GDPD1: variants seen among roughly 807,000 people sequenced by gnomAD.
The protein encoded by GDPD1 is glycerophosphodiester phosphodiesterase domain containing 1, also known as lysophospholipase D GDPD1.
GDPD1 carries 28 observed loss-of-function variants against 45.1 expected under a neutral mutation model. That is an observed-to-expected ratio of 0.62 (90% CI 0.46 to 0.85). The LOEUF (loss-of-function observed/expected upper bound fraction) is 0.85. Among genes scored for constraint, GDPD1 ranks in the 40% least tolerant of loss-of-function variants. The probability of loss-of-function intolerance (pLI) is 0.00; values close to 1 mark genes in which losing one functional copy is unlikely to be tolerated. For synonymous variants in GDPD1, 139 were observed against 131.4 expected (o/e 1.06, Z -0.40); for missense variants, 256 against 364.8 (o/e 0.70, Z 2.43).
At position 59,255,800 on chromosome 17, in the gene GDPD1, T is replaced by C. The variant is rs865946763; in HGVS notation, c.368-1322T>C. On this transcript the variant is annotated intron_variant, in intron 4 of 9. Transcript: ENST00000284116. ...ATATATATATACGCGTATATATGTA[T>C]ATATATATATACGCGTATATATATA... Among the ~76,000 whole-genome samples the C allele has an allele frequency of 9.7e-4, 65 of 66,990 alleles. 7 individuals carry two copies. The East Asian group carries it at 0.023, about 24-fold the overall frequency. 43.9% of individuals were successfully genotyped at this position (66,990 alleles called of 152,430 possible). A position where few individuals can be genotyped will look rare whatever the true frequency, so the allele number is the denominator to read the frequency against.
At chr17:59,223,323 A>G (rs1220761491) in intron 1 of GDPD1, among the ~76,000 whole-genome samples, 1 of 152,208 alleles carries the variant, frequency 6.6e-6, no homozygotes, top group Non-Finnish European at 1.5e-5. Context: ...TTTTACCTAT[A>G]TAATGGTCCT....
At chr17:59,226,065 A>G (rs568546704) in intron 1 of GDPD1, among the ~76,000 whole-genome samples, 13 of 152,218 alleles carry the variant, frequency 8.5e-5, no homozygotes, top group Non-Finnish European at 1.9e-4. Flanking sequence ...TCTGTTTACT[A>G]TCATTATTTT....
At chr17:59,271,143 T>C (rs1273312018) in intron 8 of GDPD1, 148 bp downstream of exon 8, 5 of 529,714 alleles carry the variant, frequency 9.4e-6, no homozygotes, top group African/African-American at 7.9e-5. Context: ...ATGAATCATT[T>C]AGAAATATCT....
chr17:59,266,192 G>A (rs1042227749), intron 6 of GDPD1, among the ~76,000 whole-genome samples: 1 of 151,888 alleles, frequency 6.6e-6, no homozygotes, highest in Non-Finnish European at 1.5e-5. Flanking sequence ...TTTGAGACCA[G>A]CCTGGCCAAC....
At chr17:59,230,088 T>A (rs1568338204) in intron 1 of GDPD1, among the ~76,000 whole-genome samples, 1 of 152,194 alleles carries the variant, frequency 6.6e-6, no homozygotes, top group Non-Finnish European at 1.5e-5. Context: ...TTTATGTTTA[T>A]CTATAGCACA....
chr17:59,262,345 G>A (rs2047363211), intron 6 of GDPD1, among the ~76,000 whole-genome samples: 1 of 152,082 alleles, frequency 6.6e-6, no homozygotes, highest in African/African-American at 2.4e-5. Context: ...TAACCTAAAT[G>A]TCCTTCAGTG....
At position 59,275,002 on chromosome 17, in the gene GDPD1, C is replaced by T; in HGVS notation, c.*1229C>T. On this transcript the variant is annotated 3_prime_UTR_variant, in exon 10 of 10. Transcript: ENST00000284116. ...GATTACAGGTGCCTGCTACCATGCC[C>T]AGCTAATTTTTGTATTTTTAGTAGA... The T allele has an allele frequency of 1.7e-6, 1 of 581,102 alleles. No homozygotes were observed. 36.0% of individuals were successfully genotyped at this position (581,102 alleles called of 1,614,324 possible).
intron 3 of GDPD1, among the ~76,000 whole-genome samples, chr17:59,248,151 G>T (rs1018173401): frequency 6.6e-6 from 1 of 151,842 alleles, no homozygotes; most frequent in Non-Finnish European, 1.5e-5. Flanking sequence ...TAGTCCCAGT[G>T]CTTTTGGAGG....
intron 4 of GDPD1, among the ~76,000 whole-genome samples, chr17:59,249,671 A>G (rs1413852924): frequency 6.6e-6 from 1 of 152,238 alleles, no homozygotes; most frequent in African/African-American, 2.4e-5. Context: ...AATGGAAAAT[A>G]TACCACCTTA....
chr17:59,220,856 G>C, intron 1 of GDPD1, 105 bp downstream of exon 1: 1 of 1,294,188 alleles, frequency 7.7e-7, no homozygotes, highest in African/African-American at 1.5e-5. Context: ...GTTTGAGGAA[G>C]AATGGGGTTG....
intron 2 of GDPD1, among the ~76,000 whole-genome samples, chr17:59,238,738 A>C (rs1256752709): frequency 6.6e-6 from 1 of 152,136 alleles, no homozygotes; most frequent in Non-Finnish European, 1.5e-5. Context: ...AGGAGCAGGA[A>C]TCTTTTCTTA....
rs953696810 is a variant in GDPD1 at position 59,266,141 on chromosome 17, C to G, written c.577-900C>G. 2.6e-5 allele frequency among the ~76,000 whole-genome samples: 4 copies of G among 152,134 alleles called. No homozygotes were observed. The East Asian group carries it at 7.7e-4, about 29-fold the overall frequency. Reference sequence around the variant, plus strand: ...GTGGCTCACACTTGTAATCCCAACACTTTGGGAGGCCAAGGTGGGCAGATC... The same window carrying G: ...GTGGCTCACACTTGTAATCCCAACAGTTTGGGAGGCCAAGGTGGGCAGATC... On this transcript the variant is annotated intron_variant, in intron 6 of 9. Coordinates refer to ENST00000284116, the MANE Select transcript of GDPD1 (RefSeq NM_182569.4).
At chr17:59,253,836 TC>T (rs943713673) in intron 4 of GDPD1, among the ~76,000 whole-genome samples, 1 of 151,910 alleles carries the variant, frequency 6.6e-6, no homozygotes, top group African/African-American at 2.4e-5. Context: ...CATATGCCCA[TC>T]CCCGAGGGTG....
At chr17:59,273,120 T>G in intron 9 of GDPD1, 1 of 240,050 alleles carries the variant, frequency 4.2e-6, no homozygotes, top group East Asian at 9.6e-5. Flanking sequence ...TATATTTCTT[T>G]TTTTACTTTT....
In GDPD1 at chr17:59,274,039, T is replaced by A; in HGVS notation, c.*266T>A. On this transcript the variant is annotated 3_prime_UTR_variant, in exon 10 of 10. Transcript: ENST00000284116. ...TTTAATTTCTTAATGTGCATTTTTG[T>A]TTCTAGATCTTATACAGAAATCTTG... The A allele has an allele frequency of 1.4e-6, 1 of 722,530 alleles. No individual in the cohort carries two copies. The highest frequency in any genetic ancestry group is 1.7e-6 in the Non-Finnish European group (1 of 590,042). The allele number at this position is 722,530 out of a possible 1,614,324, so 44.8% of individuals were successfully genotyped here.
At chr17:59,233,648 C>A (rs1171605928) in intron 1 of GDPD1, among the ~76,000 whole-genome samples, 1 of 152,080 alleles carries the variant, frequency 6.6e-6, no homozygotes, top group East Asian at 1.9e-4. Flanking sequence ...TACTTAGTTA[C>A]CCTGAACATT....
intron 4 of GDPD1, among the ~76,000 whole-genome samples, chr17:59,254,545 A>G (rs373908811): frequency 3.3e-5 from 5 of 152,026 alleles, no homozygotes; most frequent in African/African-American, 1.2e-4. Flanking sequence ...ATATATACAT[A>G]TATATATAAG....
At chr17:59,252,699 A>AC (rs1483468768) in intron 4 of GDPD1, among the ~76,000 whole-genome samples, 1 of 151,406 alleles carries the variant, frequency 6.6e-6, no homozygotes, top group African/African-American at 2.4e-5. Flanking sequence ...CTGTCTCAAA[A>AC]AAAAAAATAC....
chr17:59,255,997 G>A (rs2047306386), intron 4 of GDPD1, among the ~76,000 whole-genome samples: 1 of 149,514 alleles, frequency 6.7e-6, no homozygotes, highest in Non-Finnish European at 1.5e-5. Flanking sequence ...TCCAGCCTTG[G>A]CTATGAGCAA....
Sources: allele counts gnomAD v4.1 joint callset (sites outside exome capture counted in the v4.1 genomes callset), GRCh38; gene constraint gnomAD v4.1.1; transcripts MANE v1.5; gene names NCBI Gene and HGNC (gene_info 2026-07-23, HGNC 2026-07-21).